The following ATP10B variants were observed in gnomAD, a reference collection of about 807,000 sequenced individuals.
ATP10B encodes ATPase phospholipid transporting 10B (putative).
Under a neutral mutation model 141.2 loss-of-function variants are expected in ATP10B, and 122 were observed. The observed-to-expected ratio is 0.86, with a 90% CI of 0.75 to 1.00. ATP10B has a LOEUF of 1.00. Ranked by LOEUF, ATP10B falls within the 50% of genes least tolerant of loss-of-function variation. ATP10B has a pLI of 0.00. For missense variants in ATP10B, 1,876 were observed against 1,825.3 expected, an observed-to-expected ratio of 1.03 and a Z score of -0.51; for synonymous variants, 685 against 692.0, an observed-to-expected ratio of 0.99 and a Z score of 0.16.
In ATP10B at chr5:160,565,470, T is replaced by A; in HGVS notation, c.4369A>T (p.Ser1457Cys). Residue 1457 changes from serine to cysteine, a missense_variant, in exon 26 of 26, where the codon AGT becomes TGT. Transcript: ENST00000327245. The stretch of plus-strand genomic sequence containing the variant: ...GCAGCTCCTCATATGGTCAGTGAAC[T>A]CTGGGATCGGCGATGGCTGCTCCTC... ...SKRSSHRRSQ[S>C]SLTI is the part of the protein sequence containing the mutation. The A allele has an allele frequency of 6.2e-7, 1 of 1,614,072 alleles. No individual in the cohort carries two copies. The highest frequency in any genetic ancestry group is 8.5e-7 in the Non-Finnish European group (1 of 1,179,940).
intron 6 of ATP10B, among the ~76,000 whole-genome samples, chr5:160,674,298 G>T (rs1762896715): frequency 6.6e-6 from 1 of 152,226 alleles, no homozygotes; most frequent in Admixed American, 6.5e-5. Context: ...ATAAAGGACT[G>T]CACTGCTTAT....
chr5:160,619,072 G>A (rs965079275), intron 15 of ATP10B, among the ~76,000 whole-genome samples: 21 of 152,134 alleles, frequency 1.4e-4, no homozygotes, highest in South Asian at 2.1e-4. Context: ...TGTTGCTGGC[G>A]CCTTAAGCAT....
chr5:160,621,652 T>C lies in ATP10B; in HGVS notation c.1813-702A>G, dbSNP rs117173419. On this transcript the variant is annotated intron_variant, in intron 14 of 25. Transcript: ENST00000327245. ...TGGGCATAATGAAGGGAGGTTGTGGTTTAGTGCCTGGGTGAAACTTCTTGT... is the reference window on the plus strand; with the variant it reads ...TGGGCATAATGAAGGGAGGTTGTGGCTTAGTGCCTGGGTGAAACTTCTTGT... Among the ~76,000 whole-genome samples the C allele has an allele frequency of 4.3e-4, 66 of 152,312 alleles. No homozygotes were observed. The East Asian group carries it at 0.01, about 23-fold the overall frequency.
At chr5:160,839,270 A>T (rs1775673522) in intron 1 of ATP10B, among the ~76,000 whole-genome samples, 1 of 152,212 alleles carries the variant, frequency 6.6e-6, no homozygotes, top group Non-Finnish European at 1.5e-5. Flanking sequence ...AGGACTTCAG[A>T]TGAGAATATA....
At chr5:160,592,030 C>T (rs529028499) in intron 22 of ATP10B, among the ~76,000 whole-genome samples, 4 of 152,314 alleles carry the variant, frequency 2.6e-5, no homozygotes, top group East Asian at 1.9e-4. Context: ...AGAGCTCCCT[C>T]GATCCAGCTT....
chr5:160,571,609 A>C (rs4921303), intron 24 of ATP10B, among the ~76,000 whole-genome samples: 118,187 of 152,152 alleles, frequency 0.78, 45,998 homozygotes, highest in East Asian at 0.85. Context: ...TTATTGTGCT[A>C]AAAGTTAGAC....
intron 1 of ATP10B, among the ~76,000 whole-genome samples, chr5:160,789,925 GTA>G (rs1419170367): frequency 2.1e-4 from 32 of 152,172 alleles, no homozygotes; most frequent in Admixed American, 9.2e-4. Context: ...TGCAAATACT[GTA>G]TATGTTTGCT....
At chr5:160,815,047 A>G (rs1469783782) in intron 1 of ATP10B, among the ~76,000 whole-genome samples, 2 of 152,208 alleles carry the variant, frequency 1.3e-5, no homozygotes, top group Admixed American at 1.3e-4. Flanking sequence ...AATTGTAAAG[A>G]CCATCGAGGC....
At chr5:160,640,621 C>T (rs116599585) in intron 9 of ATP10B, 29 bp from the exon 10 acceptor site, 3 of 1,612,600 alleles carry the variant, frequency 1.9e-6, no homozygotes, top group East Asian at 2.2e-5. Context: ...AAATCAGTCC[C>T]TTAGTTCCTG....
At position 160,617,801 on chromosome 5, in the gene ATP10B, C is replaced by T. The variant is rs952929979; in HGVS notation, c.2526+63G>A. The T allele has an allele frequency of 8.2e-6, 11 of 1,345,782 alleles. No homozygotes were observed. In the African/African-American group the frequency reaches 1.6e-4, roughly 19 times the overall value. 83.4% of individuals were successfully genotyped at this position (1,345,782 alleles called of 1,614,324 possible). A position where few individuals can be genotyped will look rare whatever the true frequency, so the allele number is the denominator to read the frequency against. On this transcript the variant is annotated intron_variant, in intron 16 of 25. Coordinates refer to ENST00000327245, the MANE Select transcript of ATP10B (RefSeq NM_025153.3). The stretch of plus-strand genomic sequence containing the variant: ...AGGGTCTTTTATAAAGAAAAAGAAG[C>T]AGGGTCAAGGCCATTCAGCTATTTA...
At chr5:160,675,314 C>T (rs941292684) in intron 6 of ATP10B, among the ~76,000 whole-genome samples, 9 of 152,106 alleles carry the variant, frequency 5.9e-5, no homozygotes, top group African/African-American at 1.4e-4. Context: ...CAACATGGCT[C>T]GGGATGAAGG....
At position 160,654,350 on chromosome 5, in the gene ATP10B, T is replaced by C. The variant is rs147242909; in HGVS notation, c.676-5094A>G. Among the ~76,000 whole-genome samples the C allele has an allele frequency of 8.7e-4, 132 of 152,218 alleles. 3 individuals carry two copies. In the East Asian group the frequency reaches 0.023, roughly 27 times the overall value. On this transcript the variant is annotated intron_variant, in intron 7 of 25. Coordinates refer to ENST00000327245, the MANE Select transcript of ATP10B (RefSeq NM_025153.3). Reference sequence around the variant, plus strand: ...CCTCTCACTACCCTGTAGTTTTTCTTAGATTATGGAAGCAGCTCGCCTAAC... The same window carrying C: ...CCTCTCACTACCCTGTAGTTTTTCTCAGATTATGGAAGCAGCTCGCCTAAC...
At chr5:160,571,942 T>A (rs1215723803) in intron 24 of ATP10B, among the ~76,000 whole-genome samples, 5 of 152,198 alleles carry the variant, frequency 3.3e-5, no homozygotes, top group African/African-American at 7.2e-5. Context: ...TCTGAGTATA[T>A]CCTTACCTTG....
chr5:160,750,379 C>T (rs1218356822), intron 2 of ATP10B, among the ~76,000 whole-genome samples: 1 of 152,200 alleles, frequency 6.6e-6, no homozygotes, highest in African/African-American at 2.4e-5. Context: ...GCCCGCTCCT[C>T]CATCACTGAC....
intron 6 of ATP10B, among the ~76,000 whole-genome samples, chr5:160,680,966 G>A (rs1022682080): frequency 7.2e-5 from 11 of 152,254 alleles, no homozygotes; most frequent in South Asian, 4.1e-4. Flanking sequence ...CAGCCATTTC[G>A]TTGCCATGAG....
intron 13 of ATP10B, among the ~76,000 whole-genome samples, chr5:160,623,825 C>T (rs1758480473): frequency 6.6e-6 from 1 of 152,198 alleles, no homozygotes; most frequent in South Asian, 2.1e-4. Flanking sequence ...GTCTATCTCC[C>T]TGCTGGCATC....
chr5:160,860,888 G>T, the ATP10B span, among the ~76,000 whole-genome samples: 1 of 151,848 alleles, frequency 6.6e-6, no homozygotes, highest in African/African-American at 2.4e-5. Flanking sequence ...CACAAGTCAA[G>T]TGCTGGCCAT....
At chr5:160,719,354 C>T (rs1346796020) in intron 2 of ATP10B, among the ~76,000 whole-genome samples, 1 of 152,182 alleles carries the variant, frequency 6.6e-6, no homozygotes, top group Non-Finnish European at 1.5e-5. Flanking sequence ...AAGCCGAGAT[C>T]GCGCCGTTGC....
chr5:160,908,545 T>C, the ATP10B span, among the ~76,000 whole-genome samples: 1 of 152,180 alleles, frequency 6.6e-6, no homozygotes, highest in Non-Finnish European at 1.5e-5. Flanking sequence ...CAACTGACAT[T>C]TCTTACTTTT....
Sources: allele counts gnomAD v4.1 joint callset (sites outside exome capture counted in the v4.1 genomes callset), GRCh38; gene constraint gnomAD v4.1.1; transcripts MANE v1.5; gene names NCBI Gene and HGNC (gene_info 2026-07-23, HGNC 2026-07-21).